The following TET1 variants were observed in gnomAD, a reference collection of about 807,000 sequenced individuals.
TET1 encodes the protein methylcytosine dioxygenase TET1.
Under a neutral mutation model 148.7 loss-of-function variants are expected in TET1, and 13 were observed. The ratio of observed to expected loss-of-function variants is 0.09; its 90% CI spans 0.06 to 0.14. The LOEUF (loss-of-function observed/expected upper bound fraction) is 0.14, where lower values mean the gene tolerates loss of function less well. Among genes scored for constraint, TET1 ranks in the 10% least tolerant of loss-of-function variants. The probability of loss-of-function intolerance (pLI) is 1.00; values close to 1 mark genes in which losing one functional copy is unlikely to be tolerated. For missense variants in TET1, 2,182 were observed against 2,553.8 expected (o/e 0.85, Z 3.14); for synonymous variants, 907 against 937.2 (o/e 0.97, Z 0.59).
chr10:68,624,375 C>T (rs1157107489), intron 3 of TET1, among the ~76,000 whole-genome samples: 3 of 152,112 alleles, frequency 2.0e-5, no homozygotes, highest in African/African-American at 7.2e-5. Context: ...CCGCAACCTC[C>T]GCCTTCCGGG....
intron 3 of TET1, among the ~76,000 whole-genome samples, chr10:68,614,052 A>C (rs1444368260): frequency 6.6e-6 from 1 of 152,212 alleles, no homozygotes. Flanking sequence ...CCCTCCACCC[A>C]TGAAATCTGG....
chr10:68,624,307 T>C, intron 3 of TET1, among the ~76,000 whole-genome samples: 1 of 151,940 alleles, frequency 6.6e-6, no homozygotes, highest in Non-Finnish European at 1.5e-5. Flanking sequence ...TTTCTTTTTT[T>C]AGACGGAGTC....
chr10:68,641,952 C>G (rs2054762258), intron 3 of TET1, among the ~76,000 whole-genome samples: 1 of 152,172 alleles, frequency 6.6e-6, no homozygotes, highest in African/African-American at 2.4e-5. Context: ...GTTCATGCCA[C>G]TGCATGCGGC....
intron 3 of TET1, among the ~76,000 whole-genome samples, chr10:68,603,209 T>G (rs1235175454): frequency 6.6e-6 from 1 of 152,256 alleles, no homozygotes; most frequent in Non-Finnish European, 1.5e-5. Context: ...AAATTTAGTC[T>G]GCTTCCTTTG....
chr10:68,690,413 C>T (rs979827709), intron 11 of TET1, among the ~76,000 whole-genome samples: 2 of 152,098 alleles, frequency 1.3e-5, no homozygotes, highest in Admixed American at 6.5e-5. Flanking sequence ...CGAGACCATC[C>T]TGGCTAACAC....
chr10:68,591,284 T>C (rs2132840965), intron 2 of TET1, among the ~76,000 whole-genome samples: 1 of 152,374 alleles, frequency 6.6e-6, no homozygotes, highest in South Asian at 2.1e-4. Flanking sequence ...TGATAAGTCT[T>C]TTTATTTTTT....
chr10:68,665,281 TACAC>T (rs58374790), intron 6 of TET1, among the ~76,000 whole-genome samples: 29,148 of 150,604 alleles, frequency 0.19, 3,650 homozygotes, highest in African/African-American at 0.35. Context: ...AGTTTACACA[TACAC>T]ACACACACAC....
Position 68,642,819 on chromosome 10 carries a change from G to A in TET1, c.1969-1879G>A, listed in dbSNP as rs183990097. Reference sequence around the variant, plus strand: ...GGGGTTTTGCCCTGTTGGGCAGGCTGGTCTTGAACTCCTGATCTCAGGTGA... The same window carrying A: ...GGGGTTTTGCCCTGTTGGGCAGGCTAGTCTTGAACTCCTGATCTCAGGTGA... On this transcript the variant is annotated intron_variant, in intron 3 of 11. Coordinates refer to ENST00000373644, the MANE Select transcript of TET1 (RefSeq NM_030625.3). 3.5e-4 allele frequency among the ~76,000 whole-genome samples: 53 copies of A among 152,194 alleles called. 1 individual carries two copies. In the East Asian group the frequency reaches 7.9e-3, roughly 23 times the overall value.
rs35763138 is a variant in TET1, at chr10:68,657,024, C to CAA, written c.4461+4446_4461+4447dup. Among the ~76,000 whole-genome samples the CAA allele has an allele frequency of 7.9e-3, 937 of 118,850 alleles. 15 individuals are homozygous for CAA. The highest frequency in any genetic ancestry group is 0.026 in the African/African-American group (841 of 32,952). The allele number at this position is 118,850 out of a possible 152,430, so 78.0% of individuals were successfully genotyped here. On this transcript the variant is annotated intron_variant, in intron 6 of 11. Coordinates refer to ENST00000373644, the MANE Select transcript of TET1 (RefSeq NM_030625.3). Reference sequence around the variant, plus strand: ...CTGTGCAACATCCAGAGTCTAGCTCCAAAAAAAAAAAAAAAAATTTCCCAT... The same window carrying CAA: ...CTGTGCAACATCCAGAGTCTAGCTCCAAAAAAAAAAAAAAAAAAATTTCCCAT...
chr10:68,602,116 T>C lies in TET1; in HGVS notation c.1968+1082T>C, dbSNP rs113553071. ...TGTATATACAGCATTTTCATGTACC[T>C]GTTTCATCAACCAACAAGTATTTAT... On this transcript the variant is annotated intron_variant, in intron 3 of 11. Coordinates refer to ENST00000373644, the MANE Select transcript of TET1 (RefSeq NM_030625.3). Among the ~76,000 whole-genome samples, 534 of 152,368 alleles carry C rather than the reference T, an allele frequency of 3.5e-3. 1 individual carries two copies. The highest frequency in any genetic ancestry group is 0.01 in the Middle Eastern group (3 of 294).
At position 68,601,571 on chromosome 10, in the gene TET1, C is replaced by T. The variant is rs554416025; in HGVS notation, c.1968+537C>T. 2.2e-4 allele frequency among the ~76,000 whole-genome samples: 33 copies of T among 152,222 alleles called. No homozygotes were observed. In the South Asian group the frequency reaches 6.8e-3, roughly 32 times the overall value. ...TCTTTAATTTTGGCTTTCATGAAGC[C>T]ATAAGAATATGCATGTTTTCTTTAT... On this transcript the variant is annotated intron_variant, in intron 3 of 11. Coordinates refer to ENST00000373644, the MANE Select transcript of TET1 (RefSeq NM_030625.3).
chr10:68,646,037 C>T lies in TET1; in HGVS notation c.3308C>T (p.Thr1103Ile), dbSNP rs769875993. The T allele has an allele frequency of 1.9e-6, 3 of 1,613,894 alleles. No individual in the cohort carries two copies. Among genetic ancestry groups the T allele is most frequent in the African/African-American group, 2.7e-5 (2 of 74,874 alleles). ...CCAGAGGACAAAAAAGTTGAAAGTA[C>T]ACCAACAAGCCTTGTCACATGTAAT... The part of the protein sequence containing the change: ...IKPEDKKVES[T>I]PTSLVTCNVQ... The change falls in exon 4 of 12, where the codon ACA becomes ATA. Residue 1103 changes from threonine (T) to isoleucine (I), a missense_variant. Physicochemically the swap from Thr to Ile is moderately conservative, Grantham distance 89 (BLOSUM62 -1). Transcript: ENST00000373644.
chr10:68,656,266 A>G (rs1218241627), intron 6 of TET1, among the ~76,000 whole-genome samples: 1 of 152,184 alleles, frequency 6.6e-6, no homozygotes, highest in Admixed American at 6.5e-5. Flanking sequence ...CTCTGTGGAA[A>G]AATTGTCTTC....
In TET1 at chr10:68,646,063, G is replaced by A. The variant is rs1489796126; in HGVS notation, c.3334G>A (p.Val1112Ile). The stretch of plus-strand genomic sequence containing the variant: ...ACCAACAAGCCTTGTCACATGTAAT[G>A]TACAGCAAAAATACAATCAGGAGAA... ...STPTSLVTCN[V>I]QQKYNQEKGT... Residue 1112 changes from valine (V) to isoleucine (I), a missense_variant, in exon 4 of 12, where the codon GTA (valine) becomes ATA (isoleucine). Around this residue, in one of 11 missense-constraint regions of TET1, gnomAD observed 582 missense variants for 599.5 expected, o/e 0.97. Transcript: ENST00000373644. 6.2e-7 allele frequency: 1 copy of A among 1,613,922 alleles called. No individual in the cohort carries two copies. Among genetic ancestry groups the A allele is most frequent in the African/African-American group, 1.3e-5 (1 of 74,894 alleles).
intron 3 of TET1, among the ~76,000 whole-genome samples, chr10:68,608,228 G>C (rs868488261): frequency 7.2e-6 from 1 of 138,156 alleles, no homozygotes; most frequent in East Asian, 2.2e-4. Context: ...GTGCCCAGCC[G>C]ACAATGTCCT....
intron 3 of TET1, among the ~76,000 whole-genome samples, chr10:68,608,629 G>C (rs1194062122): frequency 6.6e-6 from 1 of 152,104 alleles, no homozygotes; most frequent in Non-Finnish European, 1.5e-5. Flanking sequence ...CCACCTCCGG[G>C]GTTCAAGTGA....
intron 8 of TET1, among the ~76,000 whole-genome samples, chr10:68,680,595 G>C (rs146406521): frequency 6.6e-6 from 1 of 152,112 alleles, no homozygotes; most frequent in Non-Finnish European, 1.5e-5. Context: ...TGATCTGCCC[G>C]CCTCGGCCTC....
Position 68,566,497 on chromosome 10 carries a change from T to C in TET1, c.-122-5720T>C, listed in dbSNP as rs571477621. Among the ~76,000 whole-genome samples the C allele has an allele frequency of 2.0e-5, 3 of 152,250 alleles. No homozygotes were observed. The South Asian group carries it at 6.2e-4, about 32-fold the overall frequency. On this transcript the variant is annotated intron_variant, in intron 1 of 11. Transcript: ENST00000373644. ...TACTGCAAGCCAAAACTTTTTTTTTTTTTTGGAAGAAGGGGAAAGCAGTAA... is the reference window on the plus strand; with the variant it reads ...TACTGCAAGCCAAAACTTTTTTTTTCTTTTGGAAGAAGGGGAAAGCAGTAA...
At position 68,586,019 on chromosome 10, in the gene TET1, A is replaced by T. The variant is rs952279323; in HGVS notation, c.1914+11767A>T. ...CTCCATCTCAAAAAAAAAAAAAAAA[A>T]ATTTTTTTTTGAGATAGAGTTGTTC... On this transcript the variant is annotated intron_variant, in intron 2 of 11. Coordinates refer to ENST00000373644, the MANE Select transcript of TET1 (RefSeq NM_030625.3). 1.9e-4 allele frequency among the ~76,000 whole-genome samples: 28 copies of T among 151,014 alleles called. 1 individual carries two copies. The highest frequency in any genetic ancestry group is 1.2e-3 in the Admixed American group (18 of 15,078).
Sources: gnomAD v4.1 joint callset for allele counts (sites outside exome capture counted in the v4.1 genomes callset) on GRCh38, gnomAD v4.1.1 for gene constraint, gnomAD v4.1.1 regional missense constraint, MANE v1.5 for transcripts, NCBI Gene and HGNC (gene_info 2026-07-23, HGNC 2026-07-21) for gene names.